The following SESN1 variants were observed in gnomAD, a reference collection of about 807,000 sequenced individuals.
The protein encoded by SESN1 is sestrin-1.
SESN1 carries 30 observed loss-of-function variants against 59.3 expected under a neutral mutation model. The ratio of observed to expected loss-of-function variants is 0.51; its 90% CI spans 0.38 to 0.69. The LOEUF is 0.69. Among genes scored for constraint, SESN1 ranks in the 30% least tolerant of loss-of-function variants. SESN1 has a pLI of 0.00. For synonymous variants in SESN1, 197 were observed against 219.9 expected, an observed-to-expected ratio of 0.90 and a Z score of 0.92; for missense variants, 566 against 673.0, an observed-to-expected ratio of 0.84 and a Z score of 1.76.
chr6:108,985,634 C>G lies in SESN1; in HGVS notation c.*1910G>C, dbSNP rs1408069292. Among the ~76,000 whole-genome samples, 1 of 152,162 alleles carries G rather than the reference C, an allele frequency of 6.6e-6. No homozygotes were observed. Among genetic ancestry groups the G allele is most frequent in the African/African-American group, 2.4e-5 (1 of 41,434 alleles). ...CTAAGTGATTATAAGTTCCAGTGGA[C>G]TAAATGCATTCTAGTTGATCTTGTT... is the stretch of plus-strand genomic sequence containing the variant. On this transcript the variant is annotated 3_prime_UTR_variant, in exon 10 of 10. Transcript: ENST00000436639.
At position 108,987,806 on chromosome 6, in the gene SESN1, C is replaced by CTTT. The variant is rs3029194; in HGVS notation, c.1570-179_1570-177dup. Among the ~76,000 whole-genome samples, 1,260 of 135,568 alleles carry CTTT rather than the reference C, an allele frequency of 9.3e-3. 34 individuals are homozygous for CTTT. The highest frequency in any genetic ancestry group is 0.03 in the African/African-American group (1,078 of 35,480). The allele number at this position is 135,568 out of a possible 152,430, so 88.9% of individuals were successfully genotyped here. A position where few individuals can be genotyped will look rare whatever the true frequency, so the allele number is the denominator to read the frequency against. On this transcript the variant is annotated intron_variant, in intron 9 of 9. Coordinates refer to ENST00000436639, the MANE Select transcript of SESN1 (RefSeq NM_014454.3). ...ATAAATTTCTCAAAACAGCAGCTATCTTTTTTTTTTTTTTTTGATGCACAC... is the reference window on the plus strand; with the variant it reads ...ATAAATTTCTCAAAACAGCAGCTATCTTTTTTTTTTTTTTTTTTTGATGCACAC...
At chr6:109,078,295 T>A (rs1781063635) in intron 1 of SESN1, among the ~76,000 whole-genome samples, 1 of 152,032 alleles carries the variant, frequency 6.6e-6, no homozygotes, top group Non-Finnish European at 1.5e-5. Flanking sequence ...GGTGGGAGGA[T>A]CACTTGAACC....
Position 109,055,661 on chromosome 6 carries a change from CAAAAAA to C in SESN1, c.279+38128_279+38133del, listed in dbSNP as rs577017689. 5.8e-4 allele frequency among the ~76,000 whole-genome samples: 30 copies of C among 51,296 alleles called. No homozygotes were observed. The East Asian group carries it at 0.012, about 20-fold the overall frequency. 33.7% of individuals were successfully genotyped at this position (51,296 alleles called of 152,430 possible). A position where few individuals can be genotyped will look rare whatever the true frequency, so the allele number is the denominator to read the frequency against. ...TGGGCAACAGAGCGAGACTCCACCTCAAAAAAAAAAAAAAAAAAAAAGAAAGAAAGA... is the reference window on the plus strand; with the variant it reads ...TGGGCAACAGAGCGAGACTCCACCTCAAAAAAAAAAAAAAAGAAAGAAAGA... On this transcript the variant is annotated intron_variant, in intron 1 of 9. Coordinates refer to ENST00000436639, the MANE Select transcript of SESN1 (RefSeq NM_014454.3).
chr6:109,083,010 T>G (rs1781151800), intron 1 of SESN1, among the ~76,000 whole-genome samples: 1 of 152,128 alleles, frequency 6.6e-6, no homozygotes, highest in East Asian at 1.9e-4. Context: ...TCAAACCCAC[T>G]GTATGAAGTA....
Position 109,058,700 on chromosome 6 carries a change from T to C in SESN1, c.279+35095A>G, listed in dbSNP as rs774690650. Among the ~76,000 whole-genome samples the C allele has an allele frequency of 2.6e-5, 4 of 152,148 alleles. No individual in the cohort carries two copies. The East Asian group carries it at 5.8e-4, about 22-fold the overall frequency. The stretch of plus-strand genomic sequence containing the variant: ...TTGTTTTTTCTTTCCAAGTGTACAA[T>C]TGCTGAGAGATAGAAGCAATGCAGC... On this transcript the variant is annotated intron_variant, in intron 1 of 9. Transcript: ENST00000436639.
intron 1 of SESN1, among the ~76,000 whole-genome samples, chr6:109,035,139 A>T (rs1329607947): frequency 6.6e-6 from 1 of 152,102 alleles, no homozygotes; most frequent in Non-Finnish European, 1.5e-5. Flanking sequence ...TCATATTCCT[A>T]ACCTGTCTTT....
In SESN1 at chr6:109,012,746, AG is replaced by A. The variant is rs557441273; in HGVS notation, c.280-10404del. Among the ~76,000 whole-genome samples, 392 of 152,304 alleles carry A rather than the reference AG, an allele frequency of 2.6e-3. 1 individual carries two copies. The highest frequency in any genetic ancestry group is 0.011 in the South Asian group (55 of 4,832). ...CAGAAAAAGGAAAGAGTGATCCATT[AG>A]GGAAGCAGAATACAGGAAGCTCAAT... On this transcript the variant is annotated intron_variant, in intron 1 of 9. Transcript: ENST00000436639.
intron 1 of SESN1, among the ~76,000 whole-genome samples, chr6:109,077,470 A>G (rs966194676): frequency 1.3e-5 from 2 of 152,234 alleles, no homozygotes; most frequent in Admixed American, 6.5e-5. Context: ...ATTGCAGGGA[A>G]ATGAGACTTC....
chr6:109,051,580 A>G (rs955931809), intron 1 of SESN1, among the ~76,000 whole-genome samples: 16 of 152,236 alleles, frequency 1.1e-4, no homozygotes, highest in African/African-American at 3.9e-4. Context: ...GTAGAATTAC[A>G]AAGAGTTTAG....
intron 1 of SESN1, among the ~76,000 whole-genome samples, chr6:109,089,003 A>G (rs532243101): frequency 3.3e-5 from 5 of 152,312 alleles, no homozygotes; most frequent in African/African-American, 1.2e-4. Context: ...GCTGATGTGG[A>G]ATCAATAAAT....
At chr6:109,059,501 T>C (rs955253165) in intron 1 of SESN1, 1 of 152,198 alleles carries the variant, frequency 6.6e-6, no homozygotes, top group Admixed American at 6.5e-5. Flanking sequence ...TGTTTGTATT[T>C]TTATTTTTAA....
At chr6:109,020,876 T>C (rs1230093016) in intron 1 of SESN1, among the ~76,000 whole-genome samples, 1 of 152,206 alleles carries the variant, frequency 6.6e-6, no homozygotes, top group African/African-American at 2.4e-5. Flanking sequence ...ACAACACTTC[T>C]TTTCTCTTCA....
intron 8 of SESN1, among the ~76,000 whole-genome samples, chr6:108,989,195 G>T (rs993921580): frequency 6.6e-6 from 1 of 152,018 alleles, no homozygotes; most frequent in African/African-American, 2.4e-5. Context: ...TAGAGACAGG[G>T]TATCACCATA....
chr6:109,070,720 C>G (rs1273738111), intron 1 of SESN1, among the ~76,000 whole-genome samples: 1 of 152,216 alleles, frequency 6.6e-6, no homozygotes, highest in Non-Finnish European at 1.5e-5. Context: ...TTTAGTGGTT[C>G]TCTATTACTG....
intron 1 of SESN1, among the ~76,000 whole-genome samples, chr6:109,029,660 C>G (rs1466619052): frequency 6.6e-6 from 1 of 152,080 alleles, no homozygotes; most frequent in Non-Finnish European, 1.5e-5. Context: ...CTTAGCCTCC[C>G]AAGTAGGGTT....
intron 1 of SESN1, among the ~76,000 whole-genome samples, chr6:109,070,448 G>A (rs1780913440): frequency 6.7e-6 from 1 of 150,006 alleles, no homozygotes; most frequent in African/African-American, 2.4e-5. Context: ...TATGTGGGGT[G>A]TGCAGCAGCT....
In SESN1 at chr6:108,987,454, G is replaced by T; in HGVS notation, c.*90C>A. Reference sequence around the variant, plus strand: ...GCACAATGGATTTCTGAATTATTTTGTCTACCATTGGTCCTGGGGCTTAGT... The same window carrying T: ...GCACAATGGATTTCTGAATTATTTTTTCTACCATTGGTCCTGGGGCTTAGT... On this transcript the variant is annotated 3_prime_UTR_variant, in exon 10 of 10. Coordinates refer to ENST00000436639, the MANE Select transcript of SESN1 (RefSeq NM_014454.3). 1 of 616,506 alleles carries T rather than the reference G, an allele frequency of 1.6e-6. No homozygotes were observed. Among genetic ancestry groups the T allele is most frequent in the Non-Finnish European group, 2.8e-6 (1 of 356,034 alleles). 38.2% of individuals were successfully genotyped at this position (616,506 alleles called of 1,614,324 possible).
At chr6:109,043,129 T>A (rs1412196838) in intron 1 of SESN1, among the ~76,000 whole-genome samples, 1 of 152,088 alleles carries the variant, frequency 6.6e-6, no homozygotes, top group Non-Finnish European at 1.5e-5. Context: ...AACATTTGAG[T>A]AAATTTAACA....
chr6:109,018,348 G>A (rs1779958331), intron 1 of SESN1, among the ~76,000 whole-genome samples: 2 of 152,162 alleles, frequency 1.3e-5, no homozygotes, highest in African/African-American at 2.4e-5. Flanking sequence ...GAACATTCTT[G>A]TAAATGTATA....
Sources: allele counts gnomAD v4.1 joint callset (sites outside exome capture counted in the v4.1 genomes callset), GRCh38; gene constraint gnomAD v4.1.1; transcripts MANE v1.5; gene names NCBI Gene and HGNC (gene_info 2026-07-23, HGNC 2026-07-21).